Variants in ITPR2 observed in about 807,000 individuals in gnomAD.
ITPR2 encodes inositol 1,4,5-trisphosphate receptor type 2.
ITPR2 carries 207 observed loss-of-function variants against 317.1 expected under a neutral mutation model. The observed-to-expected ratio is 0.65, with a 90% CI of 0.58 to 0.73. The LOEUF is 0.73. Ranked by LOEUF, ITPR2 falls within the 30% of genes least tolerant of loss-of-function variation. The pLI is 0.00. For missense variants in ITPR2, 2,613 were observed against 3,284.0 expected, an observed-to-expected ratio of 0.80 and a Z score of 4.99; for synonymous variants, 1,156 against 1,149.1, an observed-to-expected ratio of 1.01 and a Z score of -0.12.
At chr12:26,589,514 T>G (rs1311023681) in intron 32 of ITPR2, among the ~76,000 whole-genome samples, 1 of 151,542 alleles carries the variant, frequency 6.6e-6, no homozygotes, top group Non-Finnish European at 1.5e-5. Context: ...TCAGGTCAGG[T>G]GCAGTGGCTC....
intron 18 of ITPR2, among the ~76,000 whole-genome samples, chr12:26,657,248 T>A (rs369567779): frequency 2.0e-5 from 3 of 152,234 alleles, no homozygotes; most frequent in African/African-American, 4.8e-5. Context: ...GGGGCTGAAC[T>A]TTCGTTAACT....
chr12:26,591,835 CAA>C (rs35015873), intron 32 of ITPR2, among the ~76,000 whole-genome samples: 4 of 142,000 alleles, frequency 2.8e-5, no homozygotes, highest in Admixed American at 1.4e-4. Context: ...GACTCTATCT[CAA>C]AAAAAAAAAA....
chr12:26,829,228 T>C (rs1448103923), intron 1 of ITPR2, among the ~76,000 whole-genome samples: 1 of 151,944 alleles, frequency 6.6e-6, no homozygotes, highest in Non-Finnish European at 1.5e-5. Context: ...TTTTTTATTA[T>C]AAAAAAAATT....
chr12:26,653,241 CTTTTT>C (rs774729786), intron 21 of ITPR2, among the ~76,000 whole-genome samples: 1 of 103,576 alleles, frequency 9.7e-6, no homozygotes. Flanking sequence ...TTGAATCTTT[CTTTTT>C]TTTTTTTTTT....
intron 2 of ITPR2, among the ~76,000 whole-genome samples, chr12:26,757,148 A>C (rs1460915619): frequency 6.6e-6 from 1 of 152,136 alleles, no homozygotes; most frequent in African/African-American, 2.4e-5. Flanking sequence ...AAATAACCAT[A>C]AAAATGGGCA....
At chr12:26,428,196 G>A (rs943170201) in intron 48 of ITPR2, 108 bp from the exon 49 acceptor site, 19 of 752,042 alleles carry the variant, frequency 2.5e-5, no homozygotes, top group Non-Finnish European at 3.3e-5. Flanking sequence ...CCATAATCCA[G>A]TAAATTTCAA....
intron 26 of ITPR2, among the ~76,000 whole-genome samples, chr12:26,618,856 A>T (rs887770483): frequency 1.3e-5 from 2 of 152,262 alleles, no homozygotes; most frequent in African/African-American, 2.4e-5. Context: ...ATCAACAAGG[A>T]TGAACAATGA....
At chr12:26,356,373 A>G (rs143646711) in intron 55 of ITPR2, among the ~76,000 whole-genome samples, 388 of 152,336 alleles carry the variant, frequency 2.5e-3, no homozygotes, top group Non-Finnish European at 4.1e-3. Flanking sequence ...GGGTGAGCAT[A>G]AGAAACTTAA....
chr12:26,384,998 C>T (rs1047419640), intron 55 of ITPR2, among the ~76,000 whole-genome samples: 1 of 152,160 alleles, frequency 6.6e-6, no homozygotes, highest in African/African-American at 2.4e-5. Context: ...ACAGTGAGAA[C>T]CATCATTTAC....
intron 37 of ITPR2, among the ~76,000 whole-genome samples, chr12:26,512,746 A>G (rs1329441658): frequency 2.6e-5 from 4 of 152,084 alleles, no homozygotes; most frequent in African/African-American, 4.8e-5. Context: ...TGGCAAAATA[A>G]ACTTCTTACA....
At chr12:26,796,644 CAT>C (rs1396478632) in intron 1 of ITPR2, among the ~76,000 whole-genome samples, 9 of 152,130 alleles carry the variant, frequency 5.9e-5, no homozygotes, top group African/African-American at 2.2e-4. Flanking sequence ...CATCTGAAGA[CAT>C]GTACGAACAA....
chr12:26,447,461 T>C (rs576803770), intron 45 of ITPR2, among the ~76,000 whole-genome samples: 1 of 152,068 alleles, frequency 6.6e-6, no homozygotes, highest in Non-Finnish European at 1.5e-5. Flanking sequence ...CATTTCACAT[T>C]TATCTTTTTA....
chr12:26,826,638 G>T (rs914095044), intron 1 of ITPR2, among the ~76,000 whole-genome samples: 20 of 152,166 alleles, frequency 1.3e-4, no homozygotes, highest in African/African-American at 4.6e-4. Context: ...GCATCAATTG[G>T]TAGTCACCTG....
In ITPR2 at chr12:26,507,261, C is replaced by T. The variant is rs1270593884; in HGVS notation, c.5074-12001G>A. The stretch of plus-strand genomic sequence containing the variant: ...TTTCATCAACATTTCAAAGCAGTAA[C>T]ACAATTATTACTAAAAGAAAATGAG... On this transcript the variant is annotated intron_variant, in intron 37 of 56. Transcript: ENST00000381340. Among the ~76,000 whole-genome samples, 3 of 152,228 alleles carry T rather than the reference C, an allele frequency of 2.0e-5. No individual in the cohort carries two copies. In the East Asian group the frequency reaches 5.8e-4, roughly 29 times the overall value.
chr12:26,405,976 CA>C (rs978330863), intron 52 of ITPR2, among the ~76,000 whole-genome samples: 4 of 151,840 alleles, frequency 2.6e-5, no homozygotes, highest in Admixed American at 2.0e-4. Context: ...AAAAACAAAA[CA>C]AAAAAACCTC....
intron 55 of ITPR2, among the ~76,000 whole-genome samples, chr12:26,377,610 T>C (rs10771279): frequency 0.41 from 61,799 of 152,012 alleles, 13,416 homozygotes; most frequent in East Asian, 0.68. Flanking sequence ...TTGATTTACA[T>C]ATATTTAGCC....
chr12:26,576,905 G>T (rs1281900697), intron 34 of ITPR2, among the ~76,000 whole-genome samples: 1 of 152,188 alleles, frequency 6.6e-6, no homozygotes, highest in Non-Finnish European at 1.5e-5. Context: ...CCTCATAAAT[G>T]AATTGATGCT....
intron 52 of ITPR2, chr12:26,406,436 T>G (rs577914451): frequency 1.0e-4 from 15 of 148,914 alleles, no homozygotes; most frequent in African/African-American, 2.2e-4. Context: ...AAGTTTTTTT[T>G]TTTTTTTTTT....
chr12:26,699,804 C>T (rs1166262820), intron 9 of ITPR2, among the ~76,000 whole-genome samples: 1 of 151,682 alleles, frequency 6.6e-6, no homozygotes, highest in Non-Finnish European at 1.5e-5. Flanking sequence ...TGAATAATAG[C>T]AGTAATTCTT....
Sources: allele counts gnomAD v4.1 joint callset (sites outside exome capture counted in the v4.1 genomes callset), GRCh38; gene constraint gnomAD v4.1.1; transcripts MANE v1.5; gene names NCBI Gene and HGNC (gene_info 2026-07-23, HGNC 2026-07-21).